Variants in TENM3 observed in about 807,000 individuals in gnomAD.
TENM3 encodes teneurin transmembrane protein 3, also known as teneurin-3.
Under a neutral mutation model 255.1 loss-of-function variants are expected in TENM3, and 63 were observed. The observed-to-expected ratio is 0.25, with a 90% CI of 0.20 to 0.30. TENM3 has a LOEUF of 0.30. Ranked by LOEUF, TENM3 falls within the 10% of genes least tolerant of loss-of-function variation. The pLI is 1.00. For missense variants in TENM3, 2,929 were observed against 3,461.1 expected (o/e 0.85, Z 3.86); for synonymous variants, 1,306 against 1,322.3 (o/e 0.99, Z 0.27).
chr4:182,325,741 C>G lies in TENM3; in HGVS notation c.232+1489C>G, dbSNP rs74680708. Among the ~76,000 whole-genome samples the G allele has an allele frequency of 2.1e-4, 31 of 149,496 alleles. No homozygotes were observed. The East Asian group carries it at 5.5e-3, about 26-fold the overall frequency. The stretch of plus-strand genomic sequence containing the variant: ...AACTCTTTAGTGCCCTGTTGGAAAA[C>G]GAAAAAAAAATAAAAAAATTAAAAA... On this transcript the variant is annotated intron_variant, in intron 2 of 27. Transcript: ENST00000511685.
At chr4:182,627,044 G>A (rs755374931) in intron 4 of TENM3, among the ~76,000 whole-genome samples, 11 of 152,114 alleles carry the variant, frequency 7.2e-5, no homozygotes, top group Non-Finnish European at 1.5e-4. Context: ...CAACTTTCAT[G>A]ACTTTTACCG....
rs776198889 is a variant in TENM3 at position 182,628,683 on chromosome 4, C to T, written c.782C>T (p.Thr261Met). The T allele has an allele frequency of 1.5e-5, 24 of 1,600,578 alleles. No individual in the cohort carries two copies. The highest frequency in any genetic ancestry group is 1.6e-4 in the Middle Eastern group (1 of 6,070). The stretch of plus-strand genomic sequence containing the variant: ...CTATTCAAAACAGGAACAGGTACAA[C>T]GCCACTGTTCAGTACTGCAACCCCA... ...HFLFKTGTGTTPLFSTATPGY... is the reference protein window; with the variant it reads ...HFLFKTGTGTMPLFSTATPGY... The change falls in exon 5 of 28, where the codon ACG (threonine) becomes ATG (methionine). Residue 261 changes from threonine to methionine, a missense_variant. Physicochemically the swap from Thr to Met is moderately conservative, Grantham distance 81. Around this residue, in one of 6 missense-constraint regions of TENM3, gnomAD observed 1,608 missense variants for 1,884.4 expected, o/e 0.85. Transcript: ENST00000511685.
chr4:182,533,538 CAAAA>C (rs776649364), intron 3 of TENM3, among the ~76,000 whole-genome samples: 3 of 90,006 alleles, frequency 3.3e-5, no homozygotes, highest in Admixed American at 1.2e-4. Flanking sequence ...GACCCTATCT[CAAAA>C]AAAAAAAAAA....
chr4:181,882,114 G>T, the TENM3 span, among the ~76,000 whole-genome samples: 1 of 152,142 alleles, frequency 6.6e-6, no homozygotes, highest in Non-Finnish European at 1.5e-5. Flanking sequence ...GGGCTTCTGA[G>T]TCCCCCCCGT....
chr4:181,565,323 A>C, the TENM3 span, among the ~76,000 whole-genome samples: 3 of 152,196 alleles, frequency 2.0e-5, no homozygotes, highest in East Asian at 5.8e-4. Flanking sequence ...TTAATGATCA[A>C]AGTTACATGG....
At chr4:181,652,971 G>A in the TENM3 span, among the ~76,000 whole-genome samples, 1 of 152,022 alleles carries the variant, frequency 6.6e-6, no homozygotes, top group Non-Finnish European at 1.5e-5. Context: ...TTGGATTGTT[G>A]GAAATAGCAA....
At chr4:182,044,285 C>CA in the TENM3 span, among the ~76,000 whole-genome samples, 1 of 152,116 alleles carries the variant, frequency 6.6e-6, no homozygotes, top group Admixed American at 6.5e-5. Context: ...GAAAGAACTT[C>CA]AAAAGAGTTT....
At chr4:181,732,687 C>A in the TENM3 span, among the ~76,000 whole-genome samples, 1 of 151,284 alleles carries the variant, frequency 6.6e-6, no homozygotes, top group Non-Finnish European at 1.5e-5. Context: ...GGATAGCAAA[C>A]CAAGAAAAGA....
chr4:181,720,095 C>T, the TENM3 span, among the ~76,000 whole-genome samples: 729 of 152,224 alleles, frequency 4.8e-3, 6 homozygotes, highest in African/African-American at 0.017. Context: ...TAATTTTTAT[C>T]GTATATTTAG....
the TENM3 span, among the ~76,000 whole-genome samples, chr4:181,929,091 C>T: frequency 6.6e-6 from 1 of 152,128 alleles, no homozygotes; most frequent in African/African-American, 2.4e-5. Flanking sequence ...ATTGTAAAGA[C>T]CGTCGACACT....
chr4:182,161,847 A>ACG (rs1751319831), intron 1 of TENM3, among the ~76,000 whole-genome samples: 1 of 72,542 alleles, frequency 1.4e-5, no homozygotes, highest in Non-Finnish European at 2.8e-5. Context: ...GTGTATATAT[A>ACG]CACAAATATA....
At chr4:182,452,652 G>A (rs1580598712) in intron 3 of TENM3, among the ~76,000 whole-genome samples, 2 of 152,322 alleles carry the variant, frequency 1.3e-5, no homozygotes, top group East Asian at 3.9e-4. Flanking sequence ...TGAATGATAA[G>A]TGCTATTTTG....
chr4:182,706,826 C>T (rs1201484502), intron 12 of TENM3, among the ~76,000 whole-genome samples: 2 of 151,778 alleles, frequency 1.3e-5, no homozygotes, highest in East Asian at 1.9e-4. Flanking sequence ...GGTTGGGGTG[C>T]GCCTGTAGTC....
chr4:182,132,097 T>C, the TENM3 span, among the ~76,000 whole-genome samples: 1 of 152,262 alleles, frequency 6.6e-6, no homozygotes, highest in Non-Finnish European at 1.5e-5. Context: ...AGCTGAAATC[T>C]TCTGTAAGTC....
At chr4:182,486,525 T>C (rs1193563592) in intron 3 of TENM3, among the ~76,000 whole-genome samples, 2 of 152,182 alleles carry the variant, frequency 1.3e-5, no homozygotes, top group Admixed American at 1.3e-4. Context: ...AAATAGTCAA[T>C]GCTGTTCTCA....
chr4:182,545,906 G>C (rs925429718), intron 3 of TENM3, among the ~76,000 whole-genome samples: 7 of 152,118 alleles, frequency 4.6e-5, no homozygotes, highest in African/African-American at 1.7e-4. Context: ...TGTAACATTT[G>C]ACTCCTCCAA....
At chr4:181,653,321 G>A in the TENM3 span, among the ~76,000 whole-genome samples, 1 of 152,174 alleles carries the variant, frequency 6.6e-6, no homozygotes, top group Non-Finnish European at 1.5e-5. Flanking sequence ...TTTCTAACAA[G>A]GTAGAAGGAG....
the TENM3 span, among the ~76,000 whole-genome samples, chr4:181,757,688 A>G: frequency 0.056 from 8,580 of 152,232 alleles, 380 homozygotes; most frequent in South Asian, 0.083. Flanking sequence ...AATGCCCATT[A>G]ATTTATAAAA....
exon 1 of TENM3, chr4:182,144,721 G>GGAGCGAGCCGGCGGCGC (rs1246647894): frequency 4.8e-4 from 70 of 146,656 alleles, no homozygotes; most frequent in African/African-American, 1.4e-3. Flanking sequence ...CTGCTGCCGG[G>GGAGCGAGCCGGCGGCGC]GAGCGAGCCG....
Sources: gnomAD v4.1 joint callset for allele counts (sites outside exome capture counted in the v4.1 genomes callset) on GRCh38, gnomAD v4.1.1 for gene constraint, gnomAD v4.1.1 regional missense constraint, MANE v1.5 for transcripts, NCBI Gene and HGNC (gene_info 2026-07-23, HGNC 2026-07-21) for gene names.